KLKB1: variants seen among roughly 807,000 people sequenced by gnomAD.
KLKB1 encodes plasma kallikrein.
Under a neutral mutation model 73.6 loss-of-function variants are expected in KLKB1, and 58 were observed. That is an observed-to-expected ratio of 0.79 (90% CI 0.64 to 0.98). The LOEUF is 0.98. Ranked by LOEUF, KLKB1 falls within the 50% of genes least tolerant of loss-of-function variation. The probability of loss-of-function intolerance (pLI) is 0.00; values close to 1 mark genes in which losing one functional copy is unlikely to be tolerated. For synonymous variants in KLKB1, 280 were observed against 258.1 expected (o/e 1.08, Z -0.81); for missense variants, 737 against 763.8 (o/e 0.96, Z 0.41).
At chr4:186,242,493 A>G (rs1226487656) in intron 6 of KLKB1, among the ~76,000 whole-genome samples, 4 of 152,082 alleles carry the variant, frequency 2.6e-5, no homozygotes, top group Non-Finnish European at 4.4e-5. Flanking sequence ...ATGAAGCTGA[A>G]GGAATATTTT....
intron 2 of KLKB1, 48 bp downstream of exon 2, chr4:186,228,301 A>T: frequency 8.0e-7 from 1 of 1,249,454 alleles, no homozygotes; most frequent in Non-Finnish European, 1.2e-6. Context: ...AGACAGGAGT[A>T]GCCAAGCAAG....
At position 186,258,160 on chromosome 4, in the gene KLKB1, T is replaced by C. The variant is rs749282165; in HGVS notation, c.1865T>C (p.Leu622Ser). The change falls in exon 15 of 15, where the codon TTA becomes TCA. Residue 622 changes from leucine to serine, a missense_variant. Transcript: ENST00000264690. ...GTCGCTGAGTACATGGACTGGATTT[T>C]AGAGAAAACACAGAGCAGTGATGGA... is the stretch of plus-strand genomic sequence containing the variant. ...TKVAEYMDWI[L>S]EKTQSSDGKA... is the part of the protein sequence containing the mutation. 1.9e-6 allele frequency: 3 copies of C among 1,614,062 alleles called. No homozygotes were observed. The highest frequency in any genetic ancestry group is 2.7e-5 in the African/African-American group (2 of 74,922).
intron 2 of KLKB1, 70 bp downstream of exon 2, chr4:186,228,323 C>G (rs1737242361): frequency 2.2e-6 from 2 of 922,210 alleles, no homozygotes; most frequent in South Asian, 2.6e-5. Context: ...GGCACCACCC[C>G]TGGAGAAAGC....
At chr4:186,241,137 G>T (rs1013350702) in intron 6 of KLKB1, among the ~76,000 whole-genome samples, 4 of 152,114 alleles carry the variant, frequency 2.6e-5, no homozygotes, top group African/African-American at 9.7e-5. Flanking sequence ...CGTGGTCCCC[G>T]TTCCTCAGGG....
In KLKB1 at chr4:186,252,043, A is replaced by G; in HGVS notation, c.1171A>G (p.Ile391Val). Residue 391 changes from isoleucine to valine, a missense_variant, in exon 11 of 15, where the codon ATT (isoleucine) becomes GTT (valine). Ile to Val is a conservative substitution (Grantham distance 29). Coordinates refer to ENST00000264690, the MANE Select transcript of KLKB1 (RefSeq NM_000892.5). The stretch of plus-strand genomic sequence containing the variant: ...CTGCACAACAAAAACAAGCACACGC[A>G]TTGTTGGAGGAACAAACTCTTCTTG... ...SVCTTKTSTR[I>V]VGGTNSSWGE... is the part of the protein sequence containing the mutation. 6.2e-7 allele frequency: 1 copy of G among 1,614,202 alleles called. No individual in the cohort carries two copies. The highest frequency in any genetic ancestry group is 8.5e-7 in the Non-Finnish European group (1 of 1,180,036).
At chr4:186,226,856 G>A (rs574109111), upstream of KLKB1, among the ~76,000 whole-genome samples, 31 of 152,152 alleles carry the variant, frequency 2.0e-4, no homozygotes, top group South Asian at 4.1e-4. Flanking sequence ...TGGGGCTAAC[G>A]TGGAGGCTAG....
chr4:186,236,693 A>G, intron 4 of KLKB1, 88 bp from the exon 5 acceptor site: 1 of 1,380,340 alleles, frequency 7.2e-7, no homozygotes, highest in Admixed American at 1.7e-5. Flanking sequence ...TTATCATTCT[A>G]AACTACCAAC....
intron 6 of KLKB1, among the ~76,000 whole-genome samples, chr4:186,247,222 C>T (rs1183906611): frequency 2.6e-5 from 4 of 152,232 alleles, no homozygotes; most frequent in South Asian, 2.1e-4. Context: ...CCAAATATCA[C>T]GTGTGTCCAT....
intron 6 of KLKB1, among the ~76,000 whole-genome samples, chr4:186,240,300 A>C (rs1205492092): frequency 6.6e-6 from 1 of 151,804 alleles, no homozygotes; most frequent in Non-Finnish European, 1.5e-5. Context: ...TAGGACAGTG[A>C]TATAGTTATA....
intron 1 of KLKB1, 86 bp from the exon 2 acceptor site, chr4:186,228,109 A>T: frequency 1.2e-6 from 1 of 812,708 alleles, no homozygotes; most frequent in Non-Finnish European, 2.1e-6. Context: ...TCAGACATTT[A>T]CAAGAAAATC....
chr4:186,251,884 G>A lies in KLKB1; in HGVS notation c.1144+23G>A, dbSNP rs777290954. 3 of 1,599,314 alleles carry A rather than the reference G, an allele frequency of 1.9e-6. No individual in the cohort carries two copies. The South Asian group carries it at 3.3e-5, about 18-fold the overall frequency. ...CTGGTGAGTAACCTCACTTTTTCGT[G>A]GACCTGTCAGGGATGTCTGTCATGT... On this transcript the variant is annotated intron_variant, in intron 10 of 14. Transcript: ENST00000264690.
chr4:186,252,354 A>G (rs1431841106), intron 11 of KLKB1, among the ~76,000 whole-genome samples, 169 bp downstream of exon 11: 1 of 152,214 alleles, frequency 6.6e-6, no homozygotes, highest in African/African-American at 2.4e-5. Flanking sequence ...CAACCTGACC[A>G]TTAGAACAGA....
At chr4:186,225,336 A>G (rs1196466409), upstream of KLKB1, among the ~76,000 whole-genome samples, 1 of 151,928 alleles carries the variant, frequency 6.6e-6, no homozygotes, top group Non-Finnish European at 1.5e-5. Context: ...GAAATCCACC[A>G]ATAATCTTAT....
chr4:186,244,877 G>T (rs1290029723), intron 6 of KLKB1, among the ~76,000 whole-genome samples: 1 of 152,126 alleles, frequency 6.6e-6, no homozygotes. Flanking sequence ...AGCGGGGTAA[G>T]TGTGATTAGG....
intron 2 of KLKB1, among the ~76,000 whole-genome samples, chr4:186,216,110 G>T (rs371888704): frequency 6.6e-6 from 1 of 152,296 alleles, no homozygotes; most frequent in East Asian, 1.9e-4. Flanking sequence ...ATCTAAGACT[G>T]GCAGGTAATA....
intron 2 of KLKB1, among the ~76,000 whole-genome samples, chr4:186,216,211 T>TA (rs1207276856): frequency 2.6e-5 from 4 of 152,234 alleles, no homozygotes. Context: ...CTCTTGTTTT[T>TA]AAAAGATATT....
At chr4:186,247,403 C>A (rs1482708982) in intron 6 of KLKB1, among the ~76,000 whole-genome samples, 1 of 137,422 alleles carries the variant, frequency 7.3e-6, no homozygotes, top group African/African-American at 2.8e-5. Context: ...TGTTCTCTGG[C>A]GGGCAGGGGT....
At chr4:186,225,599 A>AT (rs528807516), upstream of KLKB1, among the ~76,000 whole-genome samples, 66 of 150,984 alleles carry the variant, frequency 4.4e-4, no homozygotes, top group Non-Finnish European at 7.4e-4. Context: ...GCCTGGCTAA[A>AT]TTTTTTTTGT....
At chr4:186,257,479 G>T (rs1739065295) in intron 14 of KLKB1, 114 bp downstream of exon 14, 14 of 854,792 alleles carry the variant, frequency 1.6e-5, no homozygotes, top group Non-Finnish European at 2.4e-5. Context: ...AGAGACAAAT[G>T]ATCTGATAAA....
Sources: gnomAD v4.1 joint callset for allele counts (sites outside exome capture counted in the v4.1 genomes callset) on GRCh38, gnomAD v4.1.1 for gene constraint, MANE v1.5 for transcripts, NCBI Gene and HGNC (gene_info 2026-07-23, HGNC 2026-07-21) for gene names.